The following NAV3 variants were observed in gnomAD, a reference collection of about 807,000 sequenced individuals.
The protein encoded by NAV3 is pore membrane and/or filament interacting like protein 1.
NAV3 carries 87 observed loss-of-function variants against 244.7 expected under a neutral mutation model. The ratio of observed to expected loss-of-function variants is 0.36; its 90% CI spans 0.30 to 0.42. The LOEUF (loss-of-function observed/expected upper bound fraction) is 0.42, where lower values mean the gene tolerates loss of function less well. Ranked by LOEUF, NAV3 falls within the 20% of genes least tolerant of loss-of-function variation. The pLI, the probability that NAV3 is intolerant of heterozygous loss-of-function variation, is 1.00. For missense variants in NAV3, 2,663 were observed against 2,893.3 expected (o/e 0.92, Z 1.83); for synonymous variants, 1,126 against 1,042.2 (o/e 1.08, Z -1.55).
intron 12 of NAV3, among the ~76,000 whole-genome samples, chr12:78,101,054 A>C (rs1954512769): frequency 1.3e-5 from 2 of 152,168 alleles, no homozygotes. Context: ...AATAATTTGC[A>C]ATTTGGAGTG....
chr12:77,777,737 C>T (rs752435000), intron 2 of NAV3, among the ~76,000 whole-genome samples: 14 of 152,106 alleles, frequency 9.2e-5, no homozygotes, highest in Non-Finnish European at 1.9e-4. Context: ...ACAAATACTA[C>T]ACAGAGAGGG....
At chr12:77,756,631 T>C (rs891134726) in intron 2 of NAV3, among the ~76,000 whole-genome samples, 1 of 152,310 alleles carries the variant, frequency 6.6e-6, no homozygotes, top group East Asian at 1.9e-4. Context: ...AGATTATTAG[T>C]TGACTTTCTT....
chr12:77,747,868 C>T (rs1205660190), intron 2 of NAV3, among the ~76,000 whole-genome samples: 1 of 151,754 alleles, frequency 6.6e-6, no homozygotes, highest in Admixed American at 6.6e-5. Context: ...GAACATCACA[C>T]TCTGGGGCCT....
intron 17 of NAV3, among the ~76,000 whole-genome samples, chr12:78,127,430 A>G (rs529817856): frequency 6.6e-6 from 1 of 152,322 alleles, no homozygotes; most frequent in African/African-American, 2.4e-5. Flanking sequence ...AATAAATTCC[A>G]ATGTGAATAT....
intron 2 of NAV3, among the ~76,000 whole-genome samples, chr12:77,627,933 A>G (rs1871710203): frequency 1.3e-5 from 2 of 152,204 alleles, no homozygotes; most frequent in African/African-American, 4.8e-5. Context: ...AAAATATCAC[A>G]TGTTCTCACT....
intron 14 of NAV3, 94 bp downstream of exon 14, chr12:78,118,391 T>C (rs1955517817): frequency 6.9e-7 from 1 of 1,442,702 alleles, no homozygotes; most frequent in Non-Finnish European, 9.3e-7. Context: ...ATTTCTAAAA[T>C]ACCAAATTCT....
intron 12 of NAV3, among the ~76,000 whole-genome samples, chr12:78,078,091 T>C (rs300473): frequency 0.18 from 28,138 of 152,102 alleles, 2,663 homozygotes; most frequent in South Asian, 0.24. Context: ...CACATTGTCT[T>C]CCCTGTGTGT....
intron 4 of NAV3, among the ~76,000 whole-genome samples, chr12:77,968,088 C>T (rs117404807): frequency 7.8e-4 from 119 of 152,244 alleles, no homozygotes; most frequent in Non-Finnish European, 1.4e-3. Context: ...TTTATAAATG[C>T]AGGACAACCA....
At chr12:77,623,984 G>A (rs1340029054) in intron 2 of NAV3, among the ~76,000 whole-genome samples, 1 of 152,178 alleles carries the variant, frequency 6.6e-6, no homozygotes, top group Non-Finnish European at 1.5e-5. Flanking sequence ...AGTATCCATT[G>A]TGTGTCATGC....
At chr12:77,637,623 G>C (rs1045784454) in intron 2 of NAV3, among the ~76,000 whole-genome samples, 4 of 152,048 alleles carry the variant, frequency 2.6e-5, no homozygotes, top group Non-Finnish European at 5.9e-5. Flanking sequence ...GTGGAAATGA[G>C]GCATAAAAAT....
chr12:77,666,513 T>G (rs1287890374), intron 2 of NAV3, among the ~76,000 whole-genome samples: 3 of 152,090 alleles, frequency 2.0e-5, no homozygotes, highest in Admixed American at 2.0e-4. Flanking sequence ...AAAAGAATAC[T>G]CCACAAGAAA....
intron 1 of NAV3, among the ~76,000 whole-genome samples, chr12:77,845,737 T>A (rs1876518078): frequency 1.3e-5 from 2 of 148,736 alleles, no homozygotes; most frequent in African/African-American, 2.5e-5. Flanking sequence ...CCCTGCAACA[T>A]CCGCCTCCTG....
At chr12:77,841,989 A>G (rs528182501) in intron 1 of NAV3, among the ~76,000 whole-genome samples, 82 of 152,322 alleles carry the variant, frequency 5.4e-4, no homozygotes, top group African/African-American at 1.6e-3. Context: ...AAATTACGGG[A>G]AATAGTTTGG....
intron 12 of NAV3, among the ~76,000 whole-genome samples, chr12:78,061,747 T>C (rs1884357081): frequency 6.6e-6 from 1 of 152,086 alleles, no homozygotes; most frequent in Non-Finnish European, 1.5e-5. Flanking sequence ...TTTTCTAAAT[T>C]CTGTTATCCA....
rs143662714 is a variant in NAV3 at position 78,041,258 on chromosome 12, G to A, written c.2024-8735G>A. ...TTACTTCAGGAAAGTTTCTTAGTAC[G>A]TTATGTTTGAAATAATGATCTTATT... On this transcript the variant is annotated intron_variant, in intron 9 of 39. Coordinates refer to ENST00000397909, the MANE Select transcript of NAV3 (RefSeq NM_001024383.2). Among the ~76,000 whole-genome samples the A allele has an allele frequency of 6.1e-4, 93 of 152,202 alleles. 1 individual carries two copies. Among genetic ancestry groups the A allele is most frequent in the East Asian group, 3.9e-3 (20 of 5,170 alleles).
chr12:77,578,260 T>A (rs1180310223), intron 2 of NAV3, among the ~76,000 whole-genome samples: 3 of 152,140 alleles, frequency 2.0e-5, no homozygotes, highest in African/African-American at 7.2e-5. Flanking sequence ...ACTAAACCTA[T>A]TGAATGGGAA....
At chr12:77,784,528 G>A (rs1254471940) in intron 2 of NAV3, among the ~76,000 whole-genome samples, 2 of 152,182 alleles carry the variant, frequency 1.3e-5, no homozygotes, top group African/African-American at 4.8e-5. Context: ...TTAGAAGTCT[G>A]TTGCTTTGGG....
chr12:77,635,723 A>G (rs1592526539), intron 2 of NAV3, among the ~76,000 whole-genome samples: 1 of 152,078 alleles, frequency 6.6e-6, no homozygotes, highest in Non-Finnish European at 1.5e-5. Context: ...AGCACTTACT[A>G]TGGTCTAGAC....
Position 77,941,092 on chromosome 12 carries a change from G to C in NAV3, c.373G>C (p.Val125Leu). 6.4e-7 allele frequency: 1 copy of C among 1,570,664 alleles called. No individual in the cohort carries two copies. The highest frequency in any genetic ancestry group is 8.7e-7 in the Non-Finnish European group (1 of 1,149,824). The change falls in exon 3 of 40, where the codon GTT (valine) becomes CTT (leucine). Residue 125 changes from valine (V) to leucine (L), a missense_variant. Val to Leu is a conservative substitution (Grantham distance 32). Coordinates refer to ENST00000397909, the MANE Select transcript of NAV3 (RefSeq NM_001024383.2). Reference sequence around the variant, plus strand: ...TCTCTTGGCTTTAGCAAATGAAAAAGTTGAAGATATCAATGGATGTCCTAG... The same window carrying C: ...TCTCTTGGCTTTAGCAAATGAAAAACTTGAAGATATCAATGGATGTCCTAG... ...EIIQIIANEKVEDINGCPRSQ... is the reference protein window; with the variant it reads ...EIIQIIANEKLEDINGCPRSQ...
Sources: gnomAD v4.1 joint callset for allele counts (sites outside exome capture counted in the v4.1 genomes callset) on GRCh38, gnomAD v4.1.1 for gene constraint, MANE v1.5 for transcripts, NCBI Gene and HGNC (gene_info 2026-07-23, HGNC 2026-07-21) for gene names.